Variants in TMEM220 observed in about 807,000 individuals in gnomAD.
The protein encoded by TMEM220 is transmembrane protein 220.
TMEM220 carries 21 observed loss-of-function variants against 21.7 expected under a neutral mutation model. The ratio of observed to expected loss-of-function variants is 0.97; its 90% CI spans 0.69 to 1.39. The LOEUF is 1.39. TMEM220 is among the 40% of genes most tolerant of loss of function. The pLI, the probability that TMEM220 is intolerant of heterozygous loss-of-function variation, is 0.00. For missense variants in TMEM220, 191 were observed against 201.9 expected (o/e 0.95, Z 0.33); for synonymous variants, 80 against 73.6 (o/e 1.09, Z -0.45).
chr17:10,729,956 C>G lies in TMEM220; in HGVS notation c.-105G>C. On this transcript the variant is annotated 5_prime_UTR_variant, in exon 1 of 6. Coordinates refer to ENST00000341871, the MANE Select transcript of TMEM220 (RefSeq NM_001004313.3). ...TCCTTGCGCGGAGGGACCGAGACCC[C>G]CGCCTCGGTTTCGGTGCCTTGGGGA... 1 of 1,232,782 alleles carries G rather than the reference C, an allele frequency of 8.1e-7. No homozygotes were observed. The highest frequency in any genetic ancestry group is 1.0e-6 in the Non-Finnish European group (1 of 987,372). The allele number at this position is 1,232,782 out of a possible 1,614,324, so 76.4% of individuals were successfully genotyped here. A position where few individuals can be genotyped will look rare whatever the true frequency, so the allele number is the denominator to read the frequency against.
intron 1 of TMEM220, 48 bp downstream of exon 1, chr17:10,729,732 G>A: frequency 9.9e-6 from 13 of 1,310,270 alleles, no homozygotes; most frequent in South Asian, 2.0e-5. Flanking sequence ...AGGCCAGGGG[G>A]CGGAGCTGGG....
chr17:10,720,672 T>C (rs534220661), intron 5 of TMEM220, among the ~76,000 whole-genome samples: 30 of 152,246 alleles, frequency 2.0e-4, no homozygotes, highest in Non-Finnish European at 3.8e-4. Flanking sequence ...CAATATATTT[T>C]CAATACAATT....
chr17:10,713,838 A>G lies in TMEM220; in HGVS notation c.*1615T>C, dbSNP rs1359313129. 6.6e-6 allele frequency: 1 copy of G among 152,110 alleles called. No individual in the cohort carries two copies. The highest frequency in any genetic ancestry group is 1.9e-4 in the East Asian group (1 of 5,204). 9.4% of individuals were successfully genotyped at this position (152,110 alleles called of 1,614,324 possible). ...TTTAACAAATATTTATAGAATATTT[A>G]CTATAGTAATAAAGACAATAAAAAT... On this transcript the variant is annotated 3_prime_UTR_variant, in exon 6 of 6. Coordinates refer to ENST00000341871, the MANE Select transcript of TMEM220 (RefSeq NM_001004313.3).
Position 10,713,911 on chromosome 17 carries a change from C to A in TMEM220, c.*1542G>T, listed in dbSNP as rs1334666448. 3 of 152,178 alleles carry A rather than the reference C, an allele frequency of 2.0e-5. No homozygotes were observed. Among genetic ancestry groups the A allele is most frequent in the Non-Finnish European group, 4.4e-5 (3 of 68,022 alleles). 9.4% of individuals were successfully genotyped at this position (152,178 alleles called of 1,614,324 possible). A position where few individuals can be genotyped will look rare whatever the true frequency, so the allele number is the denominator to read the frequency against. On this transcript the variant is annotated 3_prime_UTR_variant, in exon 6 of 6. Transcript: ENST00000341871. ...ACACTCTCCTAACCTGTGGAAGGCA[C>A]TACTCGTTCTTTTTGAGTGAAGTAT...
At chr17:10,715,690 T>C in intron 5 of TMEM220, 102 bp from the exon 6 acceptor site, 1 of 809,948 alleles carries the variant, frequency 1.2e-6, no homozygotes, top group Non-Finnish European at 1.8e-6. Flanking sequence ...TTTAGTATGT[T>C]CTCATCTCAG....
chr17:10,718,571 T>C (rs547877984), intron 5 of TMEM220, among the ~76,000 whole-genome samples: 5 of 152,332 alleles, frequency 3.3e-5, no homozygotes, highest in East Asian at 1.9e-4. Context: ...AATGTACTTA[T>C]GTCTATATGT....
chr17:10,714,503 G>A lies in TMEM220; in HGVS notation c.*950C>T, dbSNP rs1302947422. The A allele has an allele frequency of 6.6e-6, 1 of 151,898 alleles. No homozygotes were observed. Among genetic ancestry groups the A allele is most frequent in the Non-Finnish European group, 1.5e-5 (1 of 68,002 alleles). 9.4% of individuals were successfully genotyped at this position (151,898 alleles called of 1,614,324 possible). ...TAGTTATAGTCCCTATTGCCTTCTT[G>A]TTTGGTCCCTAATTCCTTTATTCTA... On this transcript the variant is annotated 3_prime_UTR_variant, in exon 6 of 6. Transcript: ENST00000341871.
intron 5 of TMEM220, among the ~76,000 whole-genome samples, chr17:10,722,981 T>C (rs1348264242): frequency 8.8e-6 from 1 of 114,150 alleles, no homozygotes; most frequent in Non-Finnish European, 1.8e-5. Flanking sequence ...GAAGATGTGA[T>C]TTCTTTTTTT....
At position 10,729,968 on chromosome 17, in the gene TMEM220, C is replaced by T; in HGVS notation, c.-117G>A. On this transcript the variant is annotated 5_prime_UTR_variant, in exon 1 of 6. Coordinates refer to ENST00000341871, the MANE Select transcript of TMEM220 (RefSeq NM_001004313.3). ...GGGACCGAGACCCCCGCCTCGGTTT[C>T]GGTGCCTTGGGGACACTGCCGTGGC... The T allele has an allele frequency of 2.4e-6, 3 of 1,228,648 alleles. No individual in the cohort carries two copies. Among genetic ancestry groups the T allele is most frequent in the Non-Finnish European group, 3.0e-6 (3 of 986,062 alleles). 76.1% of individuals were successfully genotyped at this position (1,228,648 alleles called of 1,614,324 possible).
chr17:10,721,639 A>G (rs896649533), intron 5 of TMEM220, among the ~76,000 whole-genome samples: 2 of 139,030 alleles, frequency 1.4e-5, no homozygotes, highest in African/African-American at 6.5e-5. Context: ...AAAAAAAAGA[A>G]AAAAAAAATA....
In TMEM220 at chr17:10,729,013, GAAGCGGCT is replaced by G; in HGVS notation, c.102+10_102+17del. 1 of 1,614,112 alleles carries G rather than the reference GAAGCGGCT, an allele frequency of 6.2e-7. No individual in the cohort carries two copies. The highest frequency in any genetic ancestry group is 8.5e-7 in the Non-Finnish European group (1 of 1,179,968). ...ATTCTTCCAAACGGAGGAAAGCCTG[GAAGCGGCT>G]CATACTCACCACCCACACCTCTGCA... is the stretch of plus-strand genomic sequence containing the variant. On this transcript the variant is annotated intron_variant, in intron 2 of 5. Transcript: ENST00000341871.
rs144760638 is a variant in TMEM220 at position 10,729,822 on chromosome 17, G to A, written c.30C>T (p.Asn10=). 2.2e-3 allele frequency: 3,119 copies of A among 1,397,002 alleles called. 6 individuals are homozygous for A. Among genetic ancestry groups the A allele is most frequent in the Non-Finnish European group, 2.6e-3 (2,788 of 1,067,378 alleles). 86.5% of individuals were successfully genotyped at this position (1,397,002 alleles called of 1,614,324 possible). A position where few individuals can be genotyped will look rare whatever the true frequency, so the allele number is the denominator to read the frequency against. MAPALWRAC[N]GLMAAFFALA... ...GCGCGAAGAAGGCGGCCATGAGTCC[G>A]TTGCAGGCCCGCCACAGCGCTGGCG... is the stretch of plus-strand genomic sequence containing the variant. Residue 10 remains asparagine, a synonymous_variant, in exon 1 of 6, where the codon AAC becomes AAT. Coordinates refer to ENST00000341871, the MANE Select transcript of TMEM220 (RefSeq NM_001004313.3).
downstream of TMEM220, chr17:10,711,256 AT>A: frequency 2.4e-6 from 2 of 830,668 alleles, no homozygotes; most frequent in Non-Finnish European, 3.7e-6. Flanking sequence ...AACAAAATGT[AT>A]TTATAGTTTC....
At chr17:10,719,657 A>C (rs1219505190) in intron 5 of TMEM220, among the ~76,000 whole-genome samples, 2 of 152,252 alleles carry the variant, frequency 1.3e-5, no homozygotes, top group Non-Finnish European at 2.9e-5. Context: ...GTTACATTAC[A>C]ACCTGAGAGA....
Position 10,726,203 on chromosome 17 carries a change from C to T in TMEM220, c.163+1G>A. 2 of 1,613,204 alleles carry T rather than the reference C, an allele frequency of 1.2e-6. No individual in the cohort carries two copies. The highest frequency in any genetic ancestry group is 1.7e-6 in the Non-Finnish European group (2 of 1,179,194). ...CTCCATTTAGAATGCAAGGCTTATA[C>T]CTGTGACTTCAGGGTTAAGTCCAAC... On this transcript the variant is annotated splice_donor_variant, in intron 3 of 5. Transcript: ENST00000341871. LOFTEE classifies it high-confidence loss of function.
At chr17:10,729,496 C>T (rs968675502) in intron 1 of TMEM220, among the ~76,000 whole-genome samples, 1 of 152,234 alleles carries the variant, frequency 6.6e-6, no homozygotes, top group Non-Finnish European at 1.5e-5. Flanking sequence ...GACGTTAACG[C>T]AGGAGCCAGG....
At chr17:10,718,476 C>T (rs1158516087) in intron 5 of TMEM220, among the ~76,000 whole-genome samples, 2 of 150,572 alleles carry the variant, frequency 1.3e-5, no homozygotes, top group East Asian at 3.9e-4. Flanking sequence ...TGTTTATTTT[C>T]TTGTTTCTTT....
chr17:10,716,023 G>T, intron 5 of TMEM220: 1 of 518,920 alleles, frequency 1.9e-6, no homozygotes, highest in South Asian at 1.8e-5. Context: ...TCTTGATAAT[G>T]GTAATTAAAA....
rs1365161269 is a variant in TMEM220, at chr17:10,729,923, C to A, written c.-72G>T. The A allele has an allele frequency of 6.2e-5, 77 of 1,249,272 alleles. No individual in the cohort carries two copies. Among genetic ancestry groups the A allele is most frequent in the Non-Finnish European group, 7.3e-5 (73 of 994,900 alleles). 77.4% of individuals were successfully genotyped at this position (1,249,272 alleles called of 1,614,324 possible). Reference sequence around the variant, plus strand: ...GCGGTGAGTCCTGCCACGTACGGTCCGCCTTCCTCCTTGCGCGGAGGGACC... The same window carrying A: ...GCGGTGAGTCCTGCCACGTACGGTCAGCCTTCCTCCTTGCGCGGAGGGACC... On this transcript the variant is annotated 5_prime_UTR_variant, in exon 1 of 6. Transcript: ENST00000341871.
Sources: gnomAD v4.1 joint callset for allele counts (sites outside exome capture counted in the v4.1 genomes callset) on GRCh38, gnomAD v4.1.1 for gene constraint, MANE v1.5 for transcripts, NCBI Gene and HGNC (gene_info 2026-07-23, HGNC 2026-07-21) for gene names.